PDLIM3: variants seen among roughly 807,000 people sequenced by gnomAD.
PDLIM3 encodes PDZ and LIM domain 3, also known as PDZ and LIM domain protein 3.
A neutral mutation model predicts 37.3 loss-of-function variants in PDLIM3; 36 were observed. The observed-to-expected ratio is 0.97, with a 90% CI of 0.74 to 1.28. PDLIM3 has a LOEUF of 1.28. Ranked by LOEUF, PDLIM3 falls within the 50% of genes most tolerant of loss-of-function variation. The probability of loss-of-function intolerance (pLI) is 0.00; values close to 1 mark genes in which losing one functional copy is unlikely to be tolerated. For synonymous variants in PDLIM3, 174 were observed against 182.4 expected, an observed-to-expected ratio of 0.95 and a Z score of 0.37; for missense variants, 454 against 485.0, an observed-to-expected ratio of 0.94 and a Z score of 0.60.
At chr4:185,533,768 A>T (rs978454528) in intron 1 of PDLIM3, among the ~76,000 whole-genome samples, 1 of 152,196 alleles carries the variant, frequency 6.6e-6, no homozygotes, top group African/African-American at 2.4e-5. Flanking sequence ...CAAAATTTCA[A>T]GCATATGATT....
At chr4:185,511,542 G>T (rs1393471973) in intron 4 of PDLIM3, among the ~76,000 whole-genome samples, 2 of 152,040 alleles carry the variant, frequency 1.3e-5, no homozygotes, top group Admixed American at 1.3e-4. Flanking sequence ...TCTATTTTTA[G>T]TAGAGATGGG....
rs1419582141 is a variant in PDLIM3 at position 185,514,699 on chromosome 4, T to G, written c.331-362A>C. Reference sequence around the variant, plus strand: ...CTGTGGCCAGAACAGAGCCGGATACTTACTTTTGAGGTGAGCTAGGAATGA... The same window carrying G: ...CTGTGGCCAGAACAGAGCCGGATACGTACTTTTGAGGTGAGCTAGGAATGA... On this transcript the variant is annotated intron_variant, in intron 3 of 7. Coordinates refer to ENST00000284767, the MANE Select transcript of PDLIM3 (RefSeq NM_014476.6). This position sits in a 1 kb window ranked among gnomAD's most constrained non-coding sequence, Gnocchi z 4.0. 8.4e-6 allele frequency: 13 copies of G among 1,551,476 alleles called. No homozygotes were observed. The South Asian group carries it at 1.4e-4, about 17-fold the overall frequency.
At chr4:185,506,363 G>A (rs2095697158) in intron 6 of PDLIM3, among the ~76,000 whole-genome samples, 159 bp downstream of exon 6, 2 of 152,098 alleles carry the variant, frequency 1.3e-5, no homozygotes, top group Admixed American at 6.5e-5. Context: ...TTTAAACGAG[G>A]CACCATCCAT....
rs1309250278 is a variant in PDLIM3, at chr4:185,535,493, G to GCCGGGCGGCGTCCTGGCCCCGAC, written c.-60_-59insGTCGGGGCCAGGACGCCGCCCGG. ...TCCCCGCGCAGGGCAGCCACTCCGC[G>GCCGGGCGGCGTCCTGGCCCCGAC]CCGGGCGGCGTCCTGGCCCCGACCC... On this transcript the variant is annotated 5_prime_UTR_variant, in exon 1 of 8. Transcript: ENST00000284767. The GCCGGGCGGCGTCCTGGCCCCGAC allele has an allele frequency of 9.0e-6, 13 of 1,445,434 alleles. No homozygotes were observed. The highest frequency in any genetic ancestry group is 1.2e-5 in the Non-Finnish European group (13 of 1,064,346). The allele number at this position is 1,445,434 out of a possible 1,614,324, so 89.5% of individuals were successfully genotyped here. A position where few individuals can be genotyped will look rare whatever the true frequency, so the allele number is the denominator to read the frequency against.
Position 185,504,414 on chromosome 4 carries a change from G to C in PDLIM3, c.905+61C>G. The C allele has an allele frequency of 7.3e-7, 1 of 1,368,810 alleles. No individual in the cohort carries two copies. Among genetic ancestry groups the C allele is most frequent in the South Asian group, 1.2e-5 (1 of 84,202 alleles). 84.8% of individuals were successfully genotyped at this position (1,368,810 alleles called of 1,614,324 possible). A position where few individuals can be genotyped will look rare whatever the true frequency, so the allele number is the denominator to read the frequency against. On this transcript the variant is annotated intron_variant, in intron 7 of 7. Transcript: ENST00000284767. The surrounding 1 kb of genome is among the most constrained non-coding windows in gnomAD (Gnocchi z 4.7). ...GCCTTTAGTCTATAAAGTCTTAAAG[G>C]AGAAGAAATGAACTGTCGCCAAGCT...
Position 185,513,522 on chromosome 4 carries a change from T to G in PDLIM3, c.398+748A>C, listed in dbSNP as rs1036957311. ...TGTCTAAAGGCACTTAAATTCTTTT[T>G]TTTTTTTTAAACAAAAGAATTAAAT... On this transcript the variant is annotated intron_variant, in intron 4 of 7. Transcript: ENST00000284767. 11 of 982,138 alleles carry G rather than the reference T, an allele frequency of 1.1e-5. No homozygotes were observed. In the African/African-American group the frequency reaches 2.0e-4, roughly 17 times the overall value. 60.8% of individuals were successfully genotyped at this position (982,138 alleles called of 1,614,324 possible).
At chr4:185,508,090 G>A (rs1382612667) in intron 5 of PDLIM3, among the ~76,000 whole-genome samples, 1 of 152,048 alleles carries the variant, frequency 6.6e-6, no homozygotes, top group Non-Finnish European at 1.5e-5. Context: ...ACCAAGCCTA[G>A]ATATTTGCAA....
Position 185,514,193 on chromosome 4 carries a change from G to C in PDLIM3, c.398+77C>G. 1.9e-6 allele frequency: 3 copies of C among 1,613,674 alleles called. No individual in the cohort carries two copies. The South Asian group carries it at 3.3e-5, about 18-fold the overall frequency. ...GAAAAGCCACTCCAAACATCTACCA[G>C]TTACTTTTCTTGATGATTAGTAAGA... On this transcript the variant is annotated intron_variant, in intron 4 of 7. Transcript: ENST00000284767. The surrounding 1 kb of genome is among the most constrained non-coding windows in gnomAD (Gnocchi z 4.0).
chr4:185,518,760 G>A (rs1195663096), intron 3 of PDLIM3, among the ~76,000 whole-genome samples: 2 of 152,076 alleles, frequency 1.3e-5, no homozygotes, highest in African/African-American at 4.8e-5. Context: ...TTTTATATGG[G>A]CTGCCTTCCA....
In PDLIM3 at chr4:185,507,656, CAA is replaced by C. The variant is rs560437477; in HGVS notation, c.662+641_662+642del. On this transcript the variant is annotated intron_variant, in intron 5 of 7. Coordinates refer to ENST00000284767, the MANE Select transcript of PDLIM3 (RefSeq NM_014476.6). Reference sequence around the variant, plus strand: ...TTATCCTATAATAAATCTTTTTAATCAAAATCTTTATGGCAAAAGTACTGTGA... The same window carrying C: ...TTATCCTATAATAAATCTTTTTAATCAATCTTTATGGCAAAAGTACTGTGA... Among the ~76,000 whole-genome samples the C allele has an allele frequency of 1.4e-3, 216 of 152,076 alleles. 2 individuals are homozygous for C. The highest frequency in any genetic ancestry group is 5.0e-3 in the African/African-American group (209 of 41,502).
rs767555533 is a variant in PDLIM3, at chr4:185,502,033, T to C, written c.*261A>G. 3.9e-6 allele frequency: 2 copies of C among 515,892 alleles called. No individual in the cohort carries two copies. Among genetic ancestry groups the C allele is most frequent in the Non-Finnish European group, 7.0e-6 (2 of 284,342 alleles). The allele number at this position is 515,892 out of a possible 1,614,324, so 32.0% of individuals were successfully genotyped here. ...TACATGTAAATTGTGGAGTATGACA[T>C]ACAAAAAATTATTGCTTTAAATATC... On this transcript the variant is annotated 3_prime_UTR_variant, in exon 8 of 8. Transcript: ENST00000284767.
At position 185,502,460 on chromosome 4, in the gene PDLIM3, T is replaced by C. The variant is rs1388328817; in HGVS notation, c.929A>G (p.Asp310Gly). The change falls in exon 8 of 8, where the codon GAT becomes GGT. Residue 310 changes from aspartate to glycine, a missense_variant. Asp to Gly is a moderately conservative substitution (Grantham distance 94). Transcript: ENST00000284767. ...GAAGCACTCAGGGTGCCGGTACTTATCCCGCGCCTTCACCACAGCACCGCT... is the reference window on the plus strand; with the variant it reads ...GAAGCACTCAGGGTGCCGGTACTTACCCCGCGCCTTCACCACAGCACCGCT... ...GIVGAVVKARDKYRHPECFVC... is the reference protein window; with the variant it reads ...GIVGAVVKARGKYRHPECFVC... 5 of 1,614,002 alleles carry C rather than the reference T, an allele frequency of 3.1e-6. No homozygotes were observed. The highest frequency in any genetic ancestry group is 4.2e-6 in the Non-Finnish European group (5 of 1,180,026).
At chr4:185,525,579 T>C (rs1253427736) in intron 1 of PDLIM3, among the ~76,000 whole-genome samples, 1 of 152,198 alleles carries the variant, frequency 6.6e-6, no homozygotes, top group East Asian at 1.9e-4. Flanking sequence ...TAGCAATCCT[T>C]ACTATTTATC....
chr4:185,514,772 T>C lies in PDLIM3; in HGVS notation c.331-435A>G. On this transcript the variant is annotated intron_variant, in intron 3 of 7. Coordinates refer to ENST00000284767, the MANE Select transcript of PDLIM3 (RefSeq NM_014476.6). The surrounding 1 kb of genome is among the most constrained non-coding windows in gnomAD (Gnocchi z 4.0). ...CGCATCTTGTATATTGCTAGTTGAA[T>C]AGAGCCCAATTGGCGAGTTATAGGA... is the stretch of plus-strand genomic sequence containing the variant. The C allele has an allele frequency of 1.3e-6, 2 of 1,552,030 alleles. No homozygotes were observed. Among genetic ancestry groups the C allele is most frequent in the Non-Finnish European group, 1.7e-6 (2 of 1,147,052 alleles).
Position 185,502,373 on chromosome 4 carries a change from A to C in PDLIM3, c.1016T>G (p.Leu339Arg). 6.2e-7 allele frequency: 1 copy of C among 1,614,210 alleles called. No homozygotes were observed. Among genetic ancestry groups the C allele is most frequent in the Non-Finnish European group, 8.5e-7 (1 of 1,180,044 alleles). Reference protein sequence around the residue: ...QKGYFFIEGELYCETHARART... With the variant: ...QKGYFFIEGERYCETHARART... ...GGCTCTTGCGTGGGTTTCGCAGTAC[A>C]GCTCCCCTTCTATGAAGAAGTAGCC... The change falls in exon 8 of 8, where the codon CTG becomes CGG. Residue 339 changes from leucine to arginine, a missense_variant. By Grantham distance (102) the Leu-to-Arg change is moderately radical (BLOSUM62 -2). Coordinates refer to ENST00000284767, the MANE Select transcript of PDLIM3 (RefSeq NM_014476.6).
chr4:185,513,824 T>G, intron 4 of PDLIM3: 1 of 1,083,004 alleles, frequency 9.2e-7, no homozygotes, highest in South Asian at 2.8e-5. Context: ...GATGATCAGT[T>G]TCTCTACTGA....
intron 4 of PDLIM3, among the ~76,000 whole-genome samples, chr4:185,508,852 T>C (rs1166307672): frequency 6.6e-6 from 1 of 152,224 alleles, no homozygotes; most frequent in Non-Finnish European, 1.5e-5. Context: ...GGGTTACATG[T>C]AGAAAAGTTG....
chr4:185,530,054 G>T (rs1473711778), intron 1 of PDLIM3, among the ~76,000 whole-genome samples: 2 of 152,076 alleles, frequency 1.3e-5, no homozygotes, highest in Non-Finnish European at 2.9e-5. Flanking sequence ...CTTCTCAGGG[G>T]TTAGAAGCCC....
chr4:185,535,239 C>G (rs559392148), intron 1 of PDLIM3, 103 bp downstream of exon 1: 3 of 1,065,448 alleles, frequency 2.8e-6, no homozygotes, highest in South Asian at 1.4e-5. Flanking sequence ...CGCCCGCCCT[C>G]GCGCGCTTTC....
Sources: allele counts gnomAD v4.1 joint callset (sites outside exome capture counted in the v4.1 genomes callset), GRCh38; gene constraint gnomAD v4.1.1; non-coding constraint Gnocchi (gnomAD v3.1); transcripts MANE v1.5; gene names NCBI Gene and HGNC (gene_info 2026-07-23, HGNC 2026-07-21).